AARS1: variants seen among roughly 807,000 people sequenced by gnomAD.
The protein encoded by AARS1 is alanyl-tRNA synthetase 1, also known as alanine--tRNA ligase, cytoplasmic.
A neutral mutation model predicts 108.9 loss-of-function variants in AARS1; 72 were observed. The ratio of observed to expected loss-of-function variants is 0.66; its 90% CI spans 0.55 to 0.80. The LOEUF (loss-of-function observed/expected upper bound fraction) is 0.80. AARS1 is among the 30% of genes least tolerant of loss of function. AARS1 has a pLI of 0.00. For missense variants in AARS1, 1,193 were observed against 1,233.2 expected (o/e 0.97, Z 0.49); for synonymous variants, 489 against 465.7 (o/e 1.05, Z -0.64).
rs145859060 is a variant in AARS1 at position 70,268,376 on chromosome 16, A to G, written c.966T>C (p.Tyr322=). The G allele has an allele frequency of 5.0e-5, 81 of 1,614,036 alleles. No homozygotes were observed. In the African/African-American group the frequency reaches 9.2e-4, roughly 18 times the overall value. Residue 322 remains tyrosine (Y), a synonymous_variant, in exon 8 of 21, where the codon TAT becomes TAC. Transcript: ENST00000261772. Reference sequence around the variant, plus strand: ...CTCGGCGGAGAATCCGTCTCAACACATATCTGTAAGAGGCAAAAACTAGTC... The same window carrying G: ...CTCGGCGGAGAATCCGTCTCAACACGTATCTGTAAGAGGCAAAAACTAGTC... ...GGRPDNTGRG[Y]VLRRILRRAV... is the part of the protein sequence containing the mutation.
intron 1 of AARS1, among the ~76,000 whole-genome samples, chr16:70,284,909 T>C (rs1443201352): frequency 6.6e-6 from 1 of 152,284 alleles, no homozygotes; most frequent in East Asian, 1.9e-4. Context: ...TCAAAAGCTA[T>C]ACTGTATTTG....
intron 2 of AARS1, 132 bp from the exon 3 acceptor site, chr16:70,277,286 G>T: frequency 9.9e-7 from 1 of 1,006,978 alleles, no homozygotes. Context: ...ATAGACACTT[G>T]TCAGAACAGG....
chr16:70,277,108 G>C lies in AARS1; in HGVS notation c.191C>G (p.Ala64Gly). ...GGTATTGGCAGCTCTGCTCAGCTTT[G>C]CCATGGGGTGAGATGGGTCAATTGT... is the stretch of plus-strand genomic sequence containing the variant. ...LNTIDPSHPM[A>G]KLSRAANTQK... is the part of the protein sequence containing the mutation. The change falls in exon 3 of 21, where the codon GCA (alanine) becomes GGA (glycine). Residue 64 changes from alanine (A) to glycine (G), a missense_variant. Physicochemically the swap from Ala to Gly is moderately conservative, Grantham distance 60 (BLOSUM62 0). Coordinates refer to ENST00000261772, the MANE Select transcript of AARS1 (RefSeq NM_001605.3). 1 of 1,614,166 alleles carries C rather than the reference G, an allele frequency of 6.2e-7. No homozygotes were observed. Among genetic ancestry groups the C allele is most frequent in the Non-Finnish European group, 8.5e-7 (1 of 1,180,024 alleles).
chr16:70,282,998 G>A (rs1353936853), intron 1 of AARS1, among the ~76,000 whole-genome samples: 2 of 152,120 alleles, frequency 1.3e-5, no homozygotes, highest in African/African-American at 2.4e-5. Context: ...AACCTCAAGA[G>A]GTTCAACACC....
At chr16:70,277,535 C>T (rs1960578355) in intron 2 of AARS1, among the ~76,000 whole-genome samples, 1 of 151,746 alleles carries the variant, frequency 6.6e-6, no homozygotes, top group African/African-American at 2.4e-5. Flanking sequence ...GTTCACTTGG[C>T]AGTAAATGTG....
rs961262195 is a variant in AARS1 at position 70,252,348 on chromosome 16, A to T, written c.*373T>A. On this transcript the variant is annotated 3_prime_UTR_variant, in exon 21 of 21. Coordinates refer to ENST00000261772, the MANE Select transcript of AARS1 (RefSeq NM_001605.3). ...GACGCCAAAGGCTGTCAAAAGAGCC[A>T]GCCCCTATTGGGAAGAGGGATAGAG... The T allele has an allele frequency of 2.8e-6, 1 of 355,294 alleles. No homozygotes were observed. The highest frequency in any genetic ancestry group is 2.1e-5 in the African/African-American group (1 of 47,856). The allele number at this position is 355,294 out of a possible 1,614,324, so 22.0% of individuals were successfully genotyped here.
At chr16:70,280,615 G>C (rs1469763833) in intron 2 of AARS1, among the ~76,000 whole-genome samples, 1 of 152,074 alleles carries the variant, frequency 6.6e-6, no homozygotes, top group Non-Finnish European at 1.5e-5. Context: ...CAGATGCCCC[G>C]GGGGAGCAGG....
rs1223915249 is a variant in AARS1 at position 70,258,097 on chromosome 16, C to T, written c.2113G>A (p.Glu705Lys). Residue 705 changes from glutamate to lysine, a missense_variant, in exon 15 of 21, where the codon GAG becomes AAG. By Grantham distance (56) the Glu-to-Lys change is moderately conservative. Coordinates refer to ENST00000261772, the MANE Select transcript of AARS1 (RefSeq NM_001605.3). ...GGCCCAGAGGGGTCATCCAGCAACT[C>T]GGACACCGGGACCCCAATGGAGACG... ...RVVSIGVPVSELLDDPSGPAG... is the reference protein window; with the variant it reads ...RVVSIGVPVSKLLDDPSGPAG... 4 of 1,613,972 alleles carry T rather than the reference C, an allele frequency of 2.5e-6. No homozygotes were observed. Among genetic ancestry groups the T allele is most frequent in the South Asian group, 2.2e-5 (2 of 91,074 alleles).
chr16:70,283,227 T>C (rs147965478), intron 1 of AARS1, among the ~76,000 whole-genome samples: 323 of 152,074 alleles, frequency 2.1e-3, no homozygotes, highest in Non-Finnish European at 3.6e-3. Context: ...TGAAATCCCA[T>C]CTCTACTAAA....
At chr16:70,271,707 A>G in intron 5 of AARS1, 74 bp downstream of exon 5, 2 of 1,428,446 alleles carry the variant, frequency 1.4e-6, no homozygotes, top group Non-Finnish European at 2.0e-6. Context: ...AGCTGAGAAG[A>G]GAGCTACACA....
intron 1 of AARS1, among the ~76,000 whole-genome samples, chr16:70,284,821 C>G (rs974605588): frequency 1.3e-5 from 2 of 152,172 alleles, no homozygotes; most frequent in African/African-American, 4.8e-5. Flanking sequence ...AACCTTAATT[C>G]ACTTTTGCCT....
chr16:70,275,100 A>G (rs916374732), intron 4 of AARS1, among the ~76,000 whole-genome samples: 2 of 151,502 alleles, frequency 1.3e-5, no homozygotes, highest in Non-Finnish European at 2.9e-5. Context: ...TCTCTACTAA[A>G]AATACAAAAA....
chr16:70,285,558 C>T lies in AARS1; in HGVS notation c.-21-2774G>A, dbSNP rs1200222285. Among the ~76,000 whole-genome samples, 4 of 152,300 alleles carry T rather than the reference C, an allele frequency of 2.6e-5. No individual in the cohort carries two copies. The East Asian group carries it at 5.8e-4, about 22-fold the overall frequency. On this transcript the variant is annotated intron_variant, in intron 1 of 20. Transcript: ENST00000261772. The stretch of plus-strand genomic sequence containing the variant: ...CCACCTCCCAAGTTCCTGCAATTCT[C>T]CTGCCTCAGCCTCCTGGGTAACCTG...
In AARS1 at chr16:70,262,406, C is replaced by A. The variant is rs371617479; in HGVS notation, c.1611G>T (p.Glu537Asp). The change falls in exon 12 of 21, where the codon GAG (glutamate) becomes GAT (aspartate). Residue 537 changes from glutamate (E) to aspartate (D), a missense_variant. Glu to Asp is a conservative substitution (Grantham distance 45, BLOSUM62 2). Transcript: ENST00000261772. The part of the protein sequence containing the change: ...VVLDKTCFYA[E>D]QGGQIYDEGY... ...CTTCGTCATAGATCTGGCCTCCTTG[C>A]TCAGCATAGAAACAGGTCTTGTCCA... is the stretch of plus-strand genomic sequence containing the variant. 1 of 1,614,200 alleles carries A rather than the reference C, an allele frequency of 6.2e-7. No homozygotes were observed. The highest frequency in any genetic ancestry group is 8.5e-7 in the Non-Finnish European group (1 of 1,180,050).
At chr16:70,253,106 A>G (rs1405363188) in intron 20 of AARS1, among the ~76,000 whole-genome samples, 162 bp downstream of exon 20, 5 of 152,244 alleles carry the variant, frequency 3.3e-5, no homozygotes, top group African/African-American at 1.2e-4. Context: ...GCCAGGTATC[A>G]ACCAGATGTC....
intron 10 of AARS1, 136 bp from the exon 11 acceptor site, chr16:70,265,238 G>C: frequency 8.5e-7 from 1 of 1,181,670 alleles, no homozygotes; most frequent in East Asian, 2.4e-5. Context: ...CTGACATTTG[G>C]GGCCAGATCA....
In AARS1 at chr16:70,253,813, A is replaced by T. The variant is rs1330524675; in HGVS notation, c.2521-13T>A. The T allele has an allele frequency of 6.2e-7, 1 of 1,614,194 alleles. No individual in the cohort carries two copies. The highest frequency in any genetic ancestry group is 2.2e-5 in the East Asian group (1 of 44,888). On this transcript the variant is annotated splice_polypyrimidine_tract_variant and intron_variant, in intron 18 of 20. Transcript: ENST00000261772. ...TCTTCTCTAACACCTGCAAGAAAAA[A>T]GTCCAGAACAGCAGCTCAGACCAAA...
intron 1 of AARS1, among the ~76,000 whole-genome samples, chr16:70,284,543 A>C (rs532838912): frequency 1.1e-4 from 17 of 152,316 alleles, no homozygotes; most frequent in Admixed American, 9.2e-4. Flanking sequence ...CGGAGCTTGC[A>C]GTGAGCCAAG....
chr16:70,274,909 G>A (rs764280477), intron 4 of AARS1, among the ~76,000 whole-genome samples: 1 of 151,618 alleles, frequency 6.6e-6, no homozygotes, highest in African/African-American at 2.4e-5. Context: ...TACAACACAC[G>A]TGTAACTTTT....
Sources: gnomAD v4.1 joint callset for allele counts (sites outside exome capture counted in the v4.1 genomes callset) on GRCh38, gnomAD v4.1.1 for gene constraint, MANE v1.5 for transcripts, NCBI Gene and HGNC (gene_info 2026-07-23, HGNC 2026-07-21) for gene names.